ASIC4: variants seen among roughly 807,000 people sequenced by gnomAD.
The protein encoded by ASIC4 is acid-sensing ion channel 4.
In ASIC4, 28 loss-of-function variants were observed where a neutral mutation model predicts 53.4. That is an observed-to-expected ratio of 0.52 (90% CI 0.39 to 0.72). The LOEUF (loss-of-function observed/expected upper bound fraction) is 0.72, where lower values mean the gene tolerates loss of function less well. ASIC4 is among the 30% of genes least tolerant of loss of function. ASIC4 has a pLI of 0.00. For synonymous variants in ASIC4, 289 were observed against 301.4 expected, an observed-to-expected ratio of 0.96 and a Z score of 0.43; for missense variants, 649 against 729.7, an observed-to-expected ratio of 0.89 and a Z score of 1.27.
rs1694760125 is a variant in ASIC4 at position 219,514,980 on chromosome 2, GCTGGCCTGGCCCGGGGCTACCTGAC to G, written c.258_282del (p.Ala89ThrfsTer43). 6.2e-7 allele frequency: 1 copy of G among 1,613,052 alleles called. No homozygotes were observed. Among genetic ancestry groups the G allele is most frequent in the South Asian group, 1.1e-5 (1 of 91,060 alleles). ...GCTGGCTGCCTTCCTGTACCAGGCG[GCTGGCCTGGCCCGGGGCTACCTGAC>G]CCGGCCTCACCTGGTGGCAATGGAC... On this transcript the variant is annotated frameshift_variant, in exon 1 of 10. Transcript: ENST00000358078. LOFTEE classifies it high-confidence loss of function.
the ASIC4 span, among the ~76,000 whole-genome samples, chr2:219,507,898 T>C: frequency 6.6e-6 from 1 of 152,116 alleles, no homozygotes; most frequent in African/African-American, 2.4e-5. Context: ...CAGGGTTTCA[T>C]AGCTTCATAG....
Position 219,517,196 on chromosome 2 carries a change from G to T in ASIC4, c.582+1890G>T, listed in dbSNP as rs139938827. On this transcript the variant is annotated intron_variant, in intron 1 of 9. Transcript: ENST00000358078. This position sits in a 1 kb window ranked among gnomAD's most constrained non-coding sequence, Gnocchi z 4.2. ...AGGAAGTAAGGGGAGGGAGGCAGAG[G>T]GTTCTGCTTGGTCTCCAGGCTAGGA... 2 of 152,486 alleles carry T rather than the reference G, an allele frequency of 1.3e-5. No homozygotes were observed. The highest frequency in any genetic ancestry group is 3.9e-4 in the East Asian group (2 of 5,184). The allele number at this position is 152,486 out of a possible 1,614,324, so 9.4% of individuals were successfully genotyped here.
At position 219,518,996 on chromosome 2, in the gene ASIC4, C is replaced by CG. The variant is rs1332192272; in HGVS notation, c.582+3694dup. Among the ~76,000 whole-genome samples the CG allele has an allele frequency of 1.3e-5, 2 of 152,168 alleles. No individual in the cohort carries two copies. The highest frequency in any genetic ancestry group is 6.5e-5 in the Admixed American group (1 of 15,270). Reference sequence around the variant, plus strand: ...TCGGCTCACTACAGGCTCCGCCCCCCGGGGTTCATGCCATTCTCTTGCCTC... The same window carrying CG: ...TCGGCTCACTACAGGCTCCGCCCCCCGGGGGTTCATGCCATTCTCTTGCCTC... On this transcript the variant is annotated intron_variant, in intron 1 of 9. Coordinates refer to ENST00000358078, the MANE Select transcript of ASIC4 (RefSeq NM_018674.6). The surrounding 1 kb of genome is among the most constrained non-coding windows in gnomAD (Gnocchi z 4.8).
At chr2:219,513,184 C>T (rs1475406127), upstream of ASIC4, among the ~76,000 whole-genome samples, 1 of 152,140 alleles carries the variant, frequency 6.6e-6, no homozygotes, top group African/African-American at 2.4e-5. Flanking sequence ...CCTCCCCCCG[C>T]CCGTCCACGC....
chr2:219,530,728 C>A (rs943878337), intron 1 of ASIC4, among the ~76,000 whole-genome samples: 3 of 152,072 alleles, frequency 2.0e-5, no homozygotes, highest in African/African-American at 7.3e-5. Flanking sequence ...ACAACAACAA[C>A]AAAAGCCCGA....
rs201444713 is a variant in ASIC4 at position 219,535,324 on chromosome 2, G to A, written c.1229G>A (p.Arg410Gln). 19 of 1,588,654 alleles carry A rather than the reference G, an allele frequency of 1.2e-5. No homozygotes were observed. Among genetic ancestry groups the A allele is most frequent in the South Asian group, 7.8e-5 (7 of 89,774 alleles). ...RKYNRNETYI[R>Q]ENFLVLDVFF... is the part of the protein sequence containing the mutation. ...TACAACCGCAACGAGACCTACATAC[G>A]GTATGTGTGTGTGTGTGTGGGGGGT... Residue 410 changes from arginine (R) to glutamine (Q), a missense_variant and splice_region_variant, in exon 6 of 10, where the codon CGG becomes CAG. Transcript: ENST00000358078.
Position 219,516,270 on chromosome 2 carries a change from G to A in ASIC4, c.582+964G>A, listed in dbSNP as rs1183241025. On this transcript the variant is annotated intron_variant, in intron 1 of 9. Coordinates refer to ENST00000358078, the MANE Select transcript of ASIC4 (RefSeq NM_018674.6). The surrounding 1 kb of genome is among the most constrained non-coding windows in gnomAD (Gnocchi z 4.9). Reference sequence around the variant, plus strand: ...CACTGTGGATGCCATCCCTTCTCATGACACCCCCACCCCCATCTATCCCAA... The same window carrying A: ...CACTGTGGATGCCATCCCTTCTCATAACACCCCCACCCCCATCTATCCCAA... Among the ~76,000 whole-genome samples the A allele has an allele frequency of 6.6e-6, 1 of 152,090 alleles. No homozygotes were observed. Among genetic ancestry groups the A allele is most frequent in the Non-Finnish European group, 1.5e-5 (1 of 68,026 alleles).
Position 219,514,863 on chromosome 2 carries a change from A to C in ASIC4, c.139A>C (p.Ser47Arg), listed in dbSNP as rs1156407951. 6.2e-7 allele frequency: 1 copy of C among 1,612,216 alleles called. No individual in the cohort carries two copies. The highest frequency in any genetic ancestry group is 8.5e-7 in the Non-Finnish European group (1 of 1,179,744). The part of the protein sequence containing the change: ...AAPRDLATFA[S>R]TSTLHGLGRA... ...CCCCCGAGACCTGGCCACCTTTGCC[A>C]GCACCAGCACCCTGCATGGACTGGG... The change falls in exon 1 of 10, where the codon AGC becomes CGC. Residue 47 changes from serine (S) to arginine (R), a missense_variant. By Grantham distance (110) the Ser-to-Arg change is moderately radical. Transcript: ENST00000358078.
the ASIC4 span, among the ~76,000 whole-genome samples, chr2:219,507,381 G>A: frequency 6.6e-6 from 1 of 152,260 alleles, no homozygotes; most frequent in Non-Finnish European, 1.5e-5. Flanking sequence ...TTCCCGCTGA[G>A]CCCAGCCCTG....
At chr2:219,511,377 C>G (rs373804578), upstream of ASIC4, among the ~76,000 whole-genome samples, 1 of 151,408 alleles carries the variant, frequency 6.6e-6, no homozygotes, top group African/African-American at 2.4e-5. This position sits in a 1 kb window ranked among gnomAD's most constrained non-coding sequence, Gnocchi z 5.3. Flanking sequence ...GTCTCTCCCC[C>G]CGACTGCATG....
chr2:219,511,064 C>T (rs1189951433), upstream of ASIC4, among the ~76,000 whole-genome samples: 1 of 152,102 alleles, frequency 6.6e-6, no homozygotes, highest in Non-Finnish European at 1.5e-5. The surrounding 1 kb of genome is among the most constrained non-coding windows in gnomAD (Gnocchi z 5.3). Context: ...ATCACTTGGT[C>T]CGCACCAGGG....
chr2:219,533,543 T>TGCAGCCCTAGCCTGGGA lies in ASIC4; in HGVS notation c.1075+605_1075+621dup, dbSNP rs1695078655. The TGCAGCCCTAGCCTGGGA allele has an allele frequency of 2.5e-5, 4 of 162,276 alleles. 1 individual carries two copies. The highest frequency in any genetic ancestry group is 2.3e-4 in the Admixed American group (4 of 17,318). 10.1% of individuals were successfully genotyped at this position (162,276 alleles called of 1,614,324 possible). On this transcript the variant is annotated intron_variant, in intron 5 of 9. Transcript: ENST00000358078. ...TGCTGCAAGGCCCCAAGGAGGGGTG[T>TGCAGCCCTAGCCTGGGA]GCAGCCCTAGCCTGGGAAGGTAGGG...
intron 1 of ASIC4, among the ~76,000 whole-genome samples, chr2:219,528,988 C>T (rs1044213510): frequency 6.6e-6 from 1 of 152,224 alleles, no homozygotes; most frequent in Non-Finnish European, 1.5e-5. Context: ...CCCATGGACT[C>T]TCAGCCTTGT....
At chr2:219,525,654 C>G (rs1016632773) in intron 1 of ASIC4, among the ~76,000 whole-genome samples, 1 of 152,224 alleles carries the variant, frequency 6.6e-6, no homozygotes, top group African/African-American at 2.4e-5. Flanking sequence ...TCCTCTGCAC[C>G]TGGAAAGGAT....
chr2:219,532,620 T>C, intron 4 of ASIC4, 143 bp downstream of exon 4: 1 of 1,232,592 alleles, frequency 8.1e-7, no homozygotes, highest in South Asian at 1.6e-5. Flanking sequence ...TGTGAGTGTT[T>C]GGGATTTTTA....
At position 219,518,375 on chromosome 2, in the gene ASIC4, G is replaced by T; in HGVS notation, c.582+3069G>T. Among the ~76,000 whole-genome samples the T allele has an allele frequency of 6.6e-6, 1 of 152,164 alleles. No homozygotes were observed. Among genetic ancestry groups the T allele is most frequent in the East Asian group, 1.9e-4 (1 of 5,196 alleles). On this transcript the variant is annotated intron_variant, in intron 1 of 9. Coordinates refer to ENST00000358078, the MANE Select transcript of ASIC4 (RefSeq NM_018674.6). This position sits in a 1 kb window ranked among gnomAD's most constrained non-coding sequence, Gnocchi z 4.8. ...AGGAGAGGCCATTCTGGGTGGAGGA[G>T]AGCTGGGAGGGCCTAGGGGATGAGG...
chr2:219,537,829 C>T lies in ASIC4; in HGVS notation c.1506+93C>T. The stretch of plus-strand genomic sequence containing the variant: ...TTCTGAACCAGCCTGTGGAGGGGGC[C>T]CTGGAGCCTCTGCCCGAGGTGACAA... On this transcript the variant is annotated intron_variant, in intron 9 of 9. Transcript: ENST00000358078. This position sits in a 1 kb window ranked among gnomAD's most constrained non-coding sequence, Gnocchi z 4.9. 6.7e-7 allele frequency: 1 copy of T among 1,502,834 alleles called. No individual in the cohort carries two copies. The highest frequency in any genetic ancestry group is 1.2e-5 in the South Asian group (1 of 84,018). The allele number at this position is 1,502,834 out of a possible 1,614,324, so 93.1% of individuals were successfully genotyped here. A position where few individuals can be genotyped will look rare whatever the true frequency, so the allele number is the denominator to read the frequency against.
chr2:219,512,792 C>T (rs569858995), upstream of ASIC4, among the ~76,000 whole-genome samples: 14 of 152,370 alleles, frequency 9.2e-5, no homozygotes, highest in Admixed American at 8.5e-4. Flanking sequence ...TCATTGGAGG[C>T]TTGTGGGGAA....
Position 219,538,111 on chromosome 2 carries a change from C to T in ASIC4, c.*65C>T, listed in dbSNP as rs1681628508. ...CCTCCTGGGATCCCCAGCACATTCT[C>T]CTGCTCCTGGGAGAGGCCTGGGGGC... On this transcript the variant is annotated 3_prime_UTR_variant, in exon 10 of 10. Coordinates refer to ENST00000358078, the MANE Select transcript of ASIC4 (RefSeq NM_018674.6). The T allele has an allele frequency of 7.3e-7, 1 of 1,379,308 alleles. No individual in the cohort carries two copies. The highest frequency in any genetic ancestry group is 1.4e-5 in the African/African-American group (1 of 69,918). 85.4% of individuals were successfully genotyped at this position (1,379,308 alleles called of 1,614,324 possible).
Sources: allele counts gnomAD v4.1 joint callset (sites outside exome capture counted in the v4.1 genomes callset), GRCh38; gene constraint gnomAD v4.1.1; non-coding constraint Gnocchi (gnomAD v3.1); transcripts MANE v1.5; gene names NCBI Gene and HGNC (gene_info 2026-07-23, HGNC 2026-07-21).